FRMD7: variants seen among roughly 807,000 people sequenced by gnomAD.
FRMD7 encodes FERM domain containing 7.
In FRMD7, 14 loss-of-function variants were observed where a neutral mutation model predicts 44.1. The ratio of observed to expected loss-of-function variants is 0.32; its 90% confidence interval spans 0.21 to 0.50. The LOEUF is 0.50. FRMD7 is among the 20% of genes least tolerant of loss of function. The pLI is 0.99. For missense variants in FRMD7, 501 were observed against 522.3 expected (o/e 0.96, Z 0.40); for synonymous variants, 212 against 187.4 (o/e 1.13, Z -1.07).
At chrX:132,118,998 C>T (rs931217917) in intron 1 of FRMD7, among the ~76,000 whole-genome samples, 1 of 111,753 alleles carries the variant, frequency 8.9e-6, no homozygotes, top group African/African-American at 3.3e-5. Context: ...TTAGATGCCC[C>T]TCTTTTGCTG....
At chrX:132,107,605 G>GAGAGAC (rs779774963) in intron 1 of FRMD7, among the ~76,000 whole-genome samples, 82 of 61,709 alleles carry the variant, frequency 1.3e-3, no homozygotes, top group Non-Finnish European at 2.4e-3. Flanking sequence ...CTACATGGTG[G>GAGAGAC]AGAGAGAGAG....
Position 132,078,643 on chromosome X carries a change from G to A in FRMD7, c.1374C>T (p.Ser458=), listed in dbSNP as rs138801659. 2.9e-5 allele frequency: 35 copies of A among 1,209,637 alleles called. No individual in the cohort carries two copies. The African/African-American group carries it at 5.9e-4, about 21-fold the overall frequency. The part of the protein sequence containing the change: ...TSCKFSGNHM[S]IYSGLTSKVR... ...CTTTGCTTGTGAGGCCAGAATATAT[G>A]CTCATGTGATTACCAGAAAACTTAC... is the stretch of plus-strand genomic sequence containing the variant. The change falls in exon 12 of 12, where the codon AGC becomes AGT. Residue 458 remains serine (S), a synonymous_variant. Transcript: ENST00000298542.
chrX:132,082,218 C>T (rs1927840642), intron 9 of FRMD7, 145 bp downstream of exon 9: 1 of 590,917 alleles, frequency 1.7e-6, no homozygotes. Flanking sequence ...ATGTGTCATA[C>T]AGAGAATGAG....
At chrX:132,086,342 T>C (rs1364699243) in intron 5 of FRMD7, among the ~76,000 whole-genome samples, 1 of 111,485 alleles carries the variant, frequency 9.0e-6, no homozygotes, top group African/African-American at 3.3e-5. Context: ...TACCATATTG[T>C]ATATATGATC....
chrX:132,126,853 G>A (rs1459022459), intron 1 of FRMD7, among the ~76,000 whole-genome samples: 1 of 111,774 alleles, frequency 8.9e-6, no homozygotes, highest in Non-Finnish European at 1.9e-5. Context: ...ATGAAGACAT[G>A]AAGTCATCAC....
chrX:132,084,683 C>T (rs747271996), intron 7 of FRMD7, 98 bp from the exon 8 acceptor site: 72 of 539,388 alleles, frequency 1.3e-4, no homozygotes, highest in South Asian at 1.3e-3. Flanking sequence ...TGAGAGGGAC[C>T]GCCCTTGACC....
chrX:132,103,456 C>T (rs939780290), intron 1 of FRMD7, among the ~76,000 whole-genome samples: 2 of 109,271 alleles, frequency 1.8e-5, no homozygotes, highest in African/African-American at 6.7e-5. Flanking sequence ...AATCCTGAAT[C>T]CTGTCTCATC....
chrX:132,084,613 G>A lies in FRMD7; in HGVS notation c.646-28C>T, dbSNP rs1927925236. The A allele has an allele frequency of 6.6e-6, 6 of 903,684 alleles. No individual in the cohort carries two copies. In the South Asian group the frequency reaches 1.2e-4, roughly 18 times the overall value. The allele number at this position is 903,684 out of a possible 1,213,427, so 74.5% of individuals were successfully genotyped here. On this transcript the variant is annotated intron_variant, in intron 7 of 11. Coordinates refer to ENST00000298542, the MANE Select transcript of FRMD7 (RefSeq NM_194277.3). ...ACAATGAAAAATGTGGCAGATTTCAGAATGTATTAACAAGAGTTGGCTTGT... is the reference window on the plus strand; with the variant it reads ...ACAATGAAAAATGTGGCAGATTTCAAAATGTATTAACAAGAGTTGGCTTGT...
intron 9 of FRMD7, among the ~76,000 whole-genome samples, chrX:132,080,597 C>T (rs184325561): frequency 6.6e-4 from 73 of 111,327 alleles, no homozygotes; most frequent in Admixed American, 2.2e-3. Flanking sequence ...GAGGATGACT[C>T]GAGCCCAGGA....
At position 132,078,895 on chromosome X, in the gene FRMD7, T is replaced by G; in HGVS notation, c.1122A>C (p.Pro374=). 8.3e-7 allele frequency: 1 copy of G among 1,205,172 alleles called. No individual in the cohort carries two copies. The highest frequency in any genetic ancestry group is 1.8e-5 in the South Asian group (1 of 56,826). ...AATTCCTCCTCCTACTCTCCAGCAC[T>G]GGCTCAGATGCGTGCACTCCATTCA... ...QNVNGVHASE[P]VLESRRRNSA... is the part of the protein sequence containing the mutation. Residue 374 remains proline, a synonymous_variant, in exon 12 of 12, where the codon CCA becomes CCC. Coordinates refer to ENST00000298542, the MANE Select transcript of FRMD7 (RefSeq NM_194277.3).
At chrX:132,125,452 T>C (rs1929132937) in intron 1 of FRMD7, among the ~76,000 whole-genome samples, 1 of 111,890 alleles carries the variant, frequency 8.9e-6, no homozygotes, top group Admixed American at 9.5e-5. Flanking sequence ...TCTTGAGATT[T>C]CAGTTTAGTA....
chrX:132,121,869 C>T (rs1391356036), intron 1 of FRMD7, among the ~76,000 whole-genome samples: 1 of 111,456 alleles, frequency 9.0e-6, no homozygotes, highest in Non-Finnish European at 1.9e-5. Context: ...GGAAGCCCTA[C>T]ATTATTTTAG....
At chrX:132,086,173 T>C in intron 5 of FRMD7, 139 bp from the exon 6 acceptor site, 3 of 498,855 alleles carry the variant, frequency 6.0e-6, no homozygotes, top group Middle Eastern at 5.2e-4. Context: ...CCACGCTTTA[T>C]GTATATTTAT....
At position 132,085,960 on chromosome X, in the gene FRMD7, A is replaced by C; in HGVS notation, c.457T>G (p.Cys153Gly). 2 of 1,206,863 alleles carry C rather than the reference A, an allele frequency of 1.7e-6. No individual in the cohort carries two copies. Among genetic ancestry groups the C allele is most frequent in the Non-Finnish European group, 2.2e-6 (2 of 890,959 alleles). The change falls in exon 6 of 12, where the codon TGT (cysteine) becomes GGT (glycine). Residue 153 changes from cysteine (C) to glycine (G), a missense_variant. Cys to Gly is a radical substitution (Grantham distance 159). Coordinates refer to ENST00000298542, the MANE Select transcript of FRMD7 (RefSeq NM_194277.3). ...AAGTGCATGATCTTGCCCTCTAAAC[A>C]GTCTTGGTTTGGTAAGTACCGAGTT... Reference protein sequence around the residue: ...AQTRYLPNQDCLEGKIMHFHQ... With the variant: ...AQTRYLPNQDGLEGKIMHFHQ...
At chrX:132,094,404 T>C (rs1462134534) in intron 4 of FRMD7, 2 of 353,842 alleles carry the variant, frequency 5.7e-6, no homozygotes, top group Non-Finnish European at 1.0e-5. Context: ...TTGAGAAAGT[T>C]GGCCAATCAT....
chrX:132,092,289 G>C (rs937826579), intron 5 of FRMD7, among the ~76,000 whole-genome samples: 2 of 112,056 alleles, frequency 1.8e-5, no homozygotes, highest in Non-Finnish European at 3.8e-5. Context: ...GAGAAGGTTG[G>C]AATGTGGAGG....
intron 11 of FRMD7, among the ~76,000 whole-genome samples, 164 bp downstream of exon 11, chrX:132,079,842 T>C (rs1277762845): frequency 8.9e-6 from 1 of 111,923 alleles, no homozygotes; most frequent in Non-Finnish European, 1.9e-5. Context: ...TGATCTTCTA[T>C]TGGCAGGAAA....
chrX:132,077,875 A>G lies in FRMD7; in HGVS notation c.2142T>C (p.Ala714=). The stretch of plus-strand genomic sequence containing the variant: ...AAATGTCCATAGGTTCACACTTTTA[A>G]GCTAAAAAGTAATTACATGGTTTTA... ...TSLKPCNYFL[A] The change falls in exon 12 of 12, where the codon GCT becomes GCC. Residue 714 remains alanine (A), a synonymous_variant. Transcript: ENST00000298542. The G allele has an allele frequency of 8.3e-7, 1 of 1,210,734 alleles. No homozygotes were observed. Among genetic ancestry groups the G allele is most frequent in the Non-Finnish European group, 1.1e-6 (1 of 894,356 alleles).
intron 1 of FRMD7, among the ~76,000 whole-genome samples, chrX:132,114,785 G>C (rs956367251): frequency 1.8e-5 from 2 of 112,190 alleles, no homozygotes; most frequent in African/African-American, 6.5e-5. Flanking sequence ...ACATACAAGA[G>C]GCCCCTGCCT....
Sources: allele counts gnomAD v4.1 joint callset (sites outside exome capture counted in the v4.1 genomes callset), GRCh38; gene constraint gnomAD v4.1.1; transcripts MANE v1.5; gene names NCBI Gene and HGNC (gene_info 2026-07-23, HGNC 2026-07-21).